Variants in DCHS2 observed in about 807,000 individuals in gnomAD.
DCHS2 encodes protocadherin-23.
DCHS2 carries 142 observed loss-of-function variants against 182.4 expected under a neutral mutation model. That is an observed-to-expected ratio of 0.78 (90% CI 0.68 to 0.89). DCHS2 has a LOEUF of 0.89. Ranked by LOEUF, DCHS2 falls within the 40% of genes least tolerant of loss-of-function variation. DCHS2 has a pLI of 0.00. For synonymous variants in DCHS2, 1,740 were observed against 1,663.3 expected, an observed-to-expected ratio of 1.05 and a Z score of -1.12; for missense variants, 4,319 against 4,198.6, an observed-to-expected ratio of 1.03 and a Z score of -0.79.
intron 1 of DCHS2, among the ~76,000 whole-genome samples, chr4:154,414,316 A>C (rs976920981): frequency 2.0e-5 from 3 of 152,076 alleles, no homozygotes; most frequent in Non-Finnish European, 4.4e-5. Flanking sequence ...AAAACAAAGT[A>C]CTAACTCAGA....
chr4:154,366,945 G>A (rs756679192), intron 2 of DCHS2, among the ~76,000 whole-genome samples: 1 of 152,164 alleles, frequency 6.6e-6, no homozygotes, highest in Non-Finnish European at 1.5e-5. Context: ...TGGGCAGGGG[G>A]GTGCCCTGGT....
chr4:154,283,163 ATG>A (rs1371252554), intron 13 of DCHS2, among the ~76,000 whole-genome samples: 1 of 152,142 alleles, frequency 6.6e-6, no homozygotes, highest in Non-Finnish European at 1.5e-5. Context: ...ATTTTATGTT[ATG>A]TGTTTTTAAC....
chr4:154,489,645 TG>T lies in DCHS2; in HGVS notation c.1710del (p.Ser571ValfsTer10). 6.4e-7 allele frequency: 1 copy of T among 1,551,628 alleles called. No homozygotes were observed. Among genetic ancestry groups the T allele is most frequent in the Non-Finnish European group, 8.7e-7 (1 of 1,146,950 alleles). On this transcript the variant is annotated frameshift_variant, in exon 1 of 20. Transcript: ENST00000357232. LOFTEE classifies it high-confidence loss of function. ...GTGTAGCGCAGCCAGGCGTGATCAC[TG>T]CCTGCCTCGTCGGCATCGGAGGCGC... ...WVSASDADEA[G>X]SDHAWLRYTV...
At chr4:154,364,449 G>A (rs543979584) in intron 3 of DCHS2, among the ~76,000 whole-genome samples, 40 of 152,198 alleles carry the variant, frequency 2.6e-4, no homozygotes, top group Admixed American at 4.6e-4. Context: ...AATTTGATAG[G>A]CAGTTAAGTC....
intron 1 of DCHS2, among the ~76,000 whole-genome samples, chr4:154,483,793 C>G (rs1184428890): frequency 6.6e-6 from 1 of 152,164 alleles, no homozygotes; most frequent in Non-Finnish European, 1.5e-5. Context: ...TCACAGAGAC[C>G]TGCCCCCCAA....
chr4:154,323,423 G>A, intron 7 of DCHS2: 1 of 1,498,458 alleles, frequency 6.7e-7, no homozygotes, highest in Non-Finnish European at 8.9e-7. Flanking sequence ...TGGAGTTCAG[G>A]GTCGCAAGCT....
intron 1 of DCHS2, among the ~76,000 whole-genome samples, chr4:154,388,812 G>A (rs368908833): frequency 6.6e-6 from 1 of 151,926 alleles, no homozygotes; most frequent in Non-Finnish European, 1.5e-5. Flanking sequence ...GTAATTTTAT[G>A]GAAACATTAT....
intron 1 of DCHS2, among the ~76,000 whole-genome samples, chr4:154,381,267 GTCTA>G (rs1731154022): frequency 6.6e-6 from 1 of 151,948 alleles, no homozygotes; most frequent in Non-Finnish European, 1.5e-5. Flanking sequence ...TTCTCCCCAA[GTCTA>G]TCTTTCACAA....
At chr4:154,368,138 A>G (rs1378681827) in intron 2 of DCHS2, among the ~76,000 whole-genome samples, 1 of 152,150 alleles carries the variant, frequency 6.6e-6, no homozygotes, top group East Asian at 1.9e-4. Flanking sequence ...CTTAAAATGC[A>G]GGGTCGCCCT....
At chr4:154,448,146 G>T (rs1734379054) in intron 1 of DCHS2, among the ~76,000 whole-genome samples, 1 of 152,190 alleles carries the variant, frequency 6.6e-6, no homozygotes, top group Admixed American at 6.5e-5. Context: ...TGGCTCTTCT[G>T]GTTTCCTCCA....
At chr4:154,377,596 C>T (rs1205407363) in intron 1 of DCHS2, 152 bp from the exon 2 acceptor site, 7 of 596,878 alleles carry the variant, frequency 1.2e-5, no homozygotes, top group Admixed American at 3.3e-5. Context: ...TCCTCGCTTA[C>T]CTTCTGTGAT....
chr4:154,271,092 A>G (rs143691100), intron 13 of DCHS2, among the ~76,000 whole-genome samples: 6 of 152,190 alleles, frequency 3.9e-5, no homozygotes, highest in Admixed American at 1.3e-4. Flanking sequence ...ATTAGCAAGG[A>G]CTGATAGAGG....
rs916667097 is a variant in DCHS2, at chr4:154,241,380, T to G, written c.7073-557A>C. Among the ~76,000 whole-genome samples, 4 of 152,270 alleles carry G rather than the reference T, an allele frequency of 2.6e-5. No individual in the cohort carries two copies. The South Asian group carries it at 8.3e-4, about 32-fold the overall frequency. ...ATCTGACTCTCAAAATTATTAAGAC[T>G]ATAGAAAAACAAAGTCTACATAGTA... On this transcript the variant is annotated intron_variant, in intron 17 of 19. Coordinates refer to ENST00000357232, the MANE Select transcript of DCHS2 (RefSeq NM_001358235.2).
chr4:154,366,980 T>C (rs936443666), intron 2 of DCHS2, among the ~76,000 whole-genome samples: 3 of 152,136 alleles, frequency 2.0e-5, no homozygotes, highest in South Asian at 2.1e-4. Flanking sequence ...GAAGGTACCA[T>C]TGGTGTGCAG....
intron 12 of DCHS2, among the ~76,000 whole-genome samples, chr4:154,303,307 T>A (rs1735292556): frequency 6.6e-6 from 1 of 152,124 alleles, no homozygotes; most frequent in East Asian, 1.9e-4. Flanking sequence ...TTAAGGTTTT[T>A]TTATTCTATC....
At chr4:154,273,744 CT>C (rs1438427446) in intron 13 of DCHS2, among the ~76,000 whole-genome samples, 15 of 151,980 alleles carry the variant, frequency 9.9e-5, no homozygotes, top group Admixed American at 9.8e-4. Flanking sequence ...GATATTAGGC[CT>C]GTAATTTATG....
At chr4:154,435,996 C>A (rs1733763322) in intron 1 of DCHS2, among the ~76,000 whole-genome samples, 1 of 152,144 alleles carries the variant, frequency 6.6e-6, no homozygotes, top group Non-Finnish European at 1.5e-5. Context: ...CATCCTTATT[C>A]ACAAACTTTG....
At chr4:154,299,053 GAT>G (rs1735092180) in intron 12 of DCHS2, among the ~76,000 whole-genome samples, 2 of 152,090 alleles carry the variant, frequency 1.3e-5, no homozygotes, top group African/African-American at 2.4e-5. Flanking sequence ...AGAGGATGAA[GAT>G]ATATGTTTTA....
chr4:154,349,426 T>A (rs1161079585), intron 3 of DCHS2, among the ~76,000 whole-genome samples: 1 of 152,182 alleles, frequency 6.6e-6, no homozygotes, highest in African/African-American at 2.4e-5. Flanking sequence ...TTTGGTCTGG[T>A]CTGTTGGGCC....
Sources: allele counts gnomAD v4.1 joint callset (sites outside exome capture counted in the v4.1 genomes callset), GRCh38; gene constraint gnomAD v4.1.1; transcripts MANE v1.5; gene names NCBI Gene and HGNC (gene_info 2026-07-23, HGNC 2026-07-21).